ARAP2: variants seen among roughly 807,000 people sequenced by gnomAD.
The protein encoded by ARAP2 is ArfGAP with RhoGAP domain, ankyrin repeat and PH domain 2, also known as arf-GAP with Rho-GAP domain, ANK repeat and PH domain-containing protein 2.
ARAP2 carries 148 observed loss-of-function variants against 194.5 expected under a neutral mutation model. The observed-to-expected ratio is 0.76, with a 90% CI of 0.67 to 0.87. The LOEUF is 0.87. Among genes scored for constraint, ARAP2 ranks in the 40% least tolerant of loss-of-function variants. The pLI is 0.00. For synonymous variants in ARAP2, 695 were observed against 683.5 expected, an observed-to-expected ratio of 1.02 and a Z score of -0.26; for missense variants, 2,128 against 1,989.7, an observed-to-expected ratio of 1.07 and a Z score of -1.32.
intron 27 of ARAP2, among the ~76,000 whole-genome samples, chr4:36,093,333 G>C (rs1028044115): frequency 1.3e-4 from 20 of 151,850 alleles, no homozygotes; most frequent in Non-Finnish European, 2.6e-4. Context: ...TAACAAACCT[G>C]CGCATGTACC....
In ARAP2 at chr4:36,009,886, G is replaced by GC. The variant is rs1241210346; in HGVS notation, n.1325+2676_1325+2677insG. Among the ~76,000 whole-genome samples, 232 of 142,218 alleles carry GC rather than the reference G, an allele frequency of 1.6e-3. 4 individuals are homozygous for GC. The highest frequency in any genetic ancestry group is 5.7e-3 in the African/African-American group (218 of 38,508). 93.3% of individuals were successfully genotyped at this position (142,218 alleles called of 152,430 possible). ...AGAAGCTCCTTGTTTTTTTTGGCGG[G>GC]GGGTAGGGGGGTGGAATCATCAGTG... On this transcript the variant is annotated intron_variant and non_coding_transcript_variant, in intron 9 of 12. Coordinates refer to the ARAP2 transcript ENST00000503225.
intron 14 of ARAP2, 22 bp from the exon 15 acceptor site, chr4:36,158,886 G>A (rs539804338): frequency 1.9e-6 from 3 of 1,565,596 alleles, no homozygotes; most frequent in East Asian, 4.6e-5. Context: ...AAAGAAATAA[G>A]GCACAAGAAA....
chr4:36,033,150 T>G (rs760585738), intron 5 of ARAP2, among the ~76,000 whole-genome samples: 1 of 152,238 alleles, frequency 6.6e-6, no homozygotes, highest in Non-Finnish European at 1.5e-5. Flanking sequence ...CTCATGTGTC[T>G]TAATGGTAGA....
At chr4:36,017,756 C>T (rs184746462) in intron 6 of ARAP2, among the ~76,000 whole-genome samples, 42 of 151,862 alleles carry the variant, frequency 2.8e-4, no homozygotes, top group African/African-American at 9.9e-4. Context: ...CAAAACCTTG[C>T]GAGACACTTT....
chr4:36,228,003 T>TA (rs561594703), intron 2 of ARAP2, among the ~76,000 whole-genome samples: 124 of 152,276 alleles, frequency 8.1e-4, no homozygotes, highest in Non-Finnish European at 1.4e-3. Flanking sequence ...GTCTCATCTC[T>TA]AGTGAGCCTA....
chr4:36,215,240 C>G (rs981904366), intron 2 of ARAP2, among the ~76,000 whole-genome samples: 1 of 152,166 alleles, frequency 6.6e-6, no homozygotes, highest in African/African-American at 2.4e-5. Flanking sequence ...AAAGTATAGA[C>G]ATATAAATCA....
chr4:36,207,934 T>C (rs1745913422), intron 6 of ARAP2, among the ~76,000 whole-genome samples: 2 of 152,130 alleles, frequency 1.3e-5, no homozygotes, highest in Admixed American at 1.3e-4. Flanking sequence ...AAAAGAAAAA[T>C]ATGCCTAATG....
At chr4:36,033,850 T>A (rs1403683294) in intron 5 of ARAP2, among the ~76,000 whole-genome samples, 2 of 152,158 alleles carry the variant, frequency 1.3e-5, no homozygotes, top group African/African-American at 2.4e-5. Context: ...GGGTCCAATT[T>A]CAATCTTCTG....
At chr4:36,126,895 T>C (rs905346851) in intron 21 of ARAP2, among the ~76,000 whole-genome samples, 6 of 152,036 alleles carry the variant, frequency 3.9e-5, no homozygotes, top group African/African-American at 1.4e-4. Context: ...TGGAGTACAG[T>C]GGCACCATCA....
Position 36,051,482 on chromosome 4 carries a change from TAAATA to T in ARAP2, n.369+519_369+523del, listed in dbSNP as rs1722663987. 5.3e-5 allele frequency among the ~76,000 whole-genome samples: 8 copies of T among 151,966 alleles called. No homozygotes were observed. The South Asian group carries it at 1.7e-3, about 32-fold the overall frequency. On this transcript the variant is annotated intron_variant and non_coding_transcript_variant, in intron 3 of 12. Transcript: ENST00000503225. ...ACAGACCAAGACTCCATTTCAAAAATAAATAAATTAATAAATAATAACAATAATAA... is the reference window on the plus strand; with the variant it reads ...ACAGACCAAGACTCCATTTCAAAAATAATTAATAAATAATAACAATAATAA...
chr4:36,088,875 C>T (rs907883142), intron 28 of ARAP2, among the ~76,000 whole-genome samples: 10 of 152,116 alleles, frequency 6.6e-5, no homozygotes, highest in African/African-American at 2.4e-4. Context: ...ATCTCCACAA[C>T]AGAACACAGT....
At position 36,194,876 on chromosome 4, in the gene ARAP2, GA is replaced by G. The variant is rs560446071; in HGVS notation, c.1488-1230del. On this transcript the variant is annotated intron_variant, in intron 6 of 32. Coordinates refer to ENST00000303965, the MANE Select transcript of ARAP2 (RefSeq NM_015230.4). ...CACTTCATATTTAATTCTAATTACA[GA>G]AAAAAAATATAAAATAAAAATTTTG... is the stretch of plus-strand genomic sequence containing the variant. Among the ~76,000 whole-genome samples, 1,400 of 151,672 alleles carry G rather than the reference GA, an allele frequency of 9.2e-3. 16 individuals are homozygous for G. Among genetic ancestry groups the G allele is most frequent in the Non-Finnish European group, 0.013 (881 of 67,886 alleles).
At chr4:36,152,863 G>A (rs114067794) in intron 15 of ARAP2, among the ~76,000 whole-genome samples, 2 of 152,322 alleles carry the variant, frequency 1.3e-5, no homozygotes, top group Admixed American at 6.5e-5. Flanking sequence ...CAGATTACAC[G>A]TGAAGTTGGG....
At chr4:36,242,938 T>C (rs184275512) in intron 1 of ARAP2, among the ~76,000 whole-genome samples, 2 of 152,320 alleles carry the variant, frequency 1.3e-5, no homozygotes, top group African/African-American at 2.4e-5. Flanking sequence ...GTGTTAAATA[T>C]GTTTAGAAAG....
At chr4:36,023,497 T>C (rs1402126565) in intron 5 of ARAP2, among the ~76,000 whole-genome samples, 1 of 152,132 alleles carries the variant, frequency 6.6e-6, no homozygotes, top group East Asian at 1.9e-4. Flanking sequence ...GAAAGGCAGC[T>C]GGCAGTATGG....
chr4:36,243,160 T>C (rs1046835234), intron 1 of ARAP2, among the ~76,000 whole-genome samples: 3 of 152,076 alleles, frequency 2.0e-5, no homozygotes, highest in African/African-American at 7.2e-5. Flanking sequence ...GCTTTTTATC[T>C]TCCAATTACT....
In ARAP2 at chr4:36,244,428, G is replaced by C. The variant is rs934569459; in HGVS notation, c.-409C>G. On this transcript the variant is annotated 5_prime_UTR_variant, in exon 1 of 33. Coordinates refer to ENST00000303965, the MANE Select transcript of ARAP2 (RefSeq NM_015230.4). ...CTGGAGGCGGGGAGCGCGGGCCGCGGACCCGCGCTCAGCTCCGGAAACGCC... is the reference window on the plus strand; with the variant it reads ...CTGGAGGCGGGGAGCGCGGGCCGCGCACCCGCGCTCAGCTCCGGAAACGCC... 1.4e-4 allele frequency: 21 copies of C among 150,166 alleles called. No homozygotes were observed. The highest frequency in any genetic ancestry group is 5.1e-4 in the African/African-American group (21 of 41,282). The allele number at this position is 150,166 out of a possible 1,614,324, so 9.3% of individuals were successfully genotyped here. A position where few individuals can be genotyped will look rare whatever the true frequency, so the allele number is the denominator to read the frequency against.
Position 36,124,874 on chromosome 4 carries a change from T to G in ARAP2, c.3734A>C (p.Glu1245Ala). The change falls in exon 22 of 33, where the codon GAA becomes GCA. Residue 1245 changes from glutamate to alanine, a missense_variant. Glu to Ala is a moderately radical substitution (Grantham distance 107, BLOSUM62 -1). Transcript: ENST00000303965. ...VNRATLAAII[E>A]HLYRVQKCSE... The stretch of plus-strand genomic sequence containing the variant: ...TTCATCTACCCACCTATACAGGTGT[T>G]CAATGATAGCTGCTAGTGTTGCTCG... 1 of 1,607,246 alleles carries G rather than the reference T, an allele frequency of 6.2e-7. No individual in the cohort carries two copies. The highest frequency in any genetic ancestry group is 8.5e-7 in the Non-Finnish European group (1 of 1,175,180).
At chr4:36,096,554 G>A (rs889499657) in intron 27 of ARAP2, among the ~76,000 whole-genome samples, 4 of 151,988 alleles carry the variant, frequency 2.6e-5, no homozygotes, top group African/African-American at 7.2e-5. Flanking sequence ...ATGACCACTT[G>A]GAAGCAGAAG....
Sources: gnomAD v4.1 joint callset for allele counts (sites outside exome capture counted in the v4.1 genomes callset) on GRCh38, gnomAD v4.1.1 for gene constraint, MANE v1.5 for transcripts, NCBI Gene and HGNC (gene_info 2026-07-23, HGNC 2026-07-21) for gene names.